Variants in FAM13C observed in about 807,000 individuals in gnomAD.
The protein encoded by FAM13C is family with sequence similarity 13 member C, also known as protein FAM13C.
In FAM13C, 37 loss-of-function variants were observed where a neutral mutation model predicts 73.2. The observed-to-expected ratio is 0.51, with a 90% confidence interval of 0.39 to 0.67. The LOEUF (loss-of-function observed/expected upper bound fraction) is 0.67, where lower values mean the gene tolerates loss of function less well. Ranked by LOEUF, FAM13C falls within the 30% of genes least tolerant of loss-of-function variation. The pLI is 0.00. For missense variants in FAM13C, 589 were observed against 715.6 expected (o/e 0.82, Z 2.02); for synonymous variants, 246 against 260.9 (o/e 0.94, Z 0.55).
intron 5 of FAM13C, chr10:59,297,052 A>C (rs557101918): frequency 6.6e-6 from 1 of 152,302 alleles, no homozygotes; most frequent in East Asian, 1.9e-4. Flanking sequence ...ACTCTAACCC[A>C]TTTATGCCTA....
chr10:59,342,962 G>A (rs1355321277), intron 3 of FAM13C, among the ~76,000 whole-genome samples: 1 of 152,234 alleles, frequency 6.6e-6, no homozygotes, highest in Admixed American at 6.5e-5. Flanking sequence ...ATATGTATGT[G>A]TGTGCAGAAA....
chr10:59,276,131 G>A (rs749076897), intron 6 of FAM13C, among the ~76,000 whole-genome samples: 17 of 152,028 alleles, frequency 1.1e-4, no homozygotes, highest in Non-Finnish European at 1.8e-4. Context: ...AATTTAATAG[G>A]TAGTATTTAT....
chr10:59,292,265 C>T (rs188770451), intron 5 of FAM13C, among the ~76,000 whole-genome samples: 1 of 152,240 alleles, frequency 6.6e-6, no homozygotes, highest in African/African-American at 2.4e-5. Context: ...AAGCCCCTAA[C>T]CAGTCATTTT....
chr10:59,353,121 T>C (rs1855286263), intron 2 of FAM13C, among the ~76,000 whole-genome samples: 1 of 152,202 alleles, frequency 6.6e-6, no homozygotes, highest in Non-Finnish European at 1.5e-5. Context: ...AATGTCCAAG[T>C]TCTGGTTCTG....
intron 3 of FAM13C, among the ~76,000 whole-genome samples, chr10:59,340,032 C>T (rs866939167): frequency 6.6e-6 from 1 of 152,074 alleles, no homozygotes; most frequent in African/African-American, 2.4e-5. Context: ...TAAGAGAAAG[C>T]CAAAATAAAC....
intron 3 of FAM13C, among the ~76,000 whole-genome samples, chr10:59,341,084 C>G (rs965145415): frequency 6.6e-6 from 1 of 152,086 alleles, no homozygotes; most frequent in Non-Finnish European, 1.5e-5. Flanking sequence ...CACTGATTTT[C>G]TCCTGGTGAT....
intron 6 of FAM13C, among the ~76,000 whole-genome samples, chr10:59,275,752 T>C (rs940665682): frequency 6.6e-6 from 1 of 152,192 alleles, no homozygotes; most frequent in African/African-American, 2.4e-5. Context: ...CAGGCAAGTC[T>C]CTTCAAATTC....
At chr10:59,269,084 T>C (rs1417648083) in intron 7 of FAM13C, among the ~76,000 whole-genome samples, 1 of 152,084 alleles carries the variant, frequency 6.6e-6, no homozygotes, top group African/African-American at 2.4e-5. Context: ...TAACAGGACT[T>C]TTTTTTAATA....
intron 6 of FAM13C, 36 bp downstream of exon 6, chr10:59,283,327 G>C (rs1374680193): frequency 1.2e-6 from 2 of 1,604,506 alleles, no homozygotes; most frequent in African/African-American, 1.3e-5. Context: ...TACCTTGAGA[G>C]TACAATTTGG....
At chr10:59,353,050 G>A (rs1474128896) in intron 2 of FAM13C, among the ~76,000 whole-genome samples, 1 of 152,154 alleles carries the variant, frequency 6.6e-6, no homozygotes, top group Non-Finnish European at 1.5e-5. Context: ...GATAGGCATG[G>A]GCCAAATTTT....
chr10:59,297,052 A>G (rs557101918), intron 5 of FAM13C: 1 of 152,184 alleles, frequency 6.6e-6, no homozygotes, highest in East Asian at 1.9e-4. Flanking sequence ...ACTCTAACCC[A>G]TTTATGCCTA....
At chr10:59,265,335 G>GGGGCGGA (rs78422182) in intron 8 of FAM13C, among the ~76,000 whole-genome samples, 17 of 16,058 alleles carry the variant, frequency 1.1e-3, no homozygotes, top group African/African-American at 4.3e-3. Flanking sequence ...GGGGGGGGGG[G>GGGGCGGA]AATCCTGGTT....
rs574626246 is a variant in FAM13C at position 59,302,670 on chromosome 10, G to A, written c.507+131C>T. 77 of 754,030 alleles carry A rather than the reference G, an allele frequency of 1.0e-4. No homozygotes were observed. The East Asian group carries it at 1.9e-3, about 19-fold the overall frequency. 46.7% of individuals were successfully genotyped at this position (754,030 alleles called of 1,614,324 possible). On this transcript the variant is annotated intron_variant, in intron 5 of 13. Coordinates refer to ENST00000618804, the MANE Select transcript of FAM13C (RefSeq NM_198215.4). ...TTACCAATTGAACAAAGAACTATAA[G>A]TATTACAAGTTCACTTAAAAGCAAA...
chr10:59,269,770 T>C, intron 7 of FAM13C, 129 bp downstream of exon 7: 1 of 1,092,604 alleles, frequency 9.2e-7, no homozygotes, highest in Admixed American at 2.2e-5. Context: ...TTGTCATTTA[T>C]TGTTCCAGTC....
intron 10 of FAM13C, among the ~76,000 whole-genome samples, chr10:59,258,153 T>C (rs1842126705): frequency 6.6e-6 from 1 of 152,184 alleles, no homozygotes; most frequent in African/African-American, 2.4e-5. Flanking sequence ...CATAATTGTA[T>C]AGACTGCTCC....
intron 10 of FAM13C, among the ~76,000 whole-genome samples, chr10:59,259,403 C>T (rs904770107): frequency 5.3e-5 from 8 of 152,082 alleles, no homozygotes; most frequent in African/African-American, 1.7e-4. Context: ...TTTAAAGAAA[C>T]GGGACCTAAT....
intron 3 of FAM13C, among the ~76,000 whole-genome samples, chr10:59,329,264 T>C (rs1851603348): frequency 6.6e-6 from 1 of 151,222 alleles, no homozygotes; most frequent in Non-Finnish European, 1.5e-5. Flanking sequence ...AACGCAGGCA[T>C]AGGCTCAAAA....
intron 6 of FAM13C, among the ~76,000 whole-genome samples, chr10:59,276,402 A>C (rs1304325465): frequency 6.6e-6 from 1 of 152,158 alleles, no homozygotes; most frequent in Non-Finnish European, 1.5e-5. Flanking sequence ...ATGACAGCTG[A>C]CATTTATGGA....
chr10:59,329,600 C>T (rs1009340220), intron 3 of FAM13C, among the ~76,000 whole-genome samples: 2 of 151,968 alleles, frequency 1.3e-5, no homozygotes, highest in African/African-American at 2.4e-5. Context: ...CTCAGGTGAT[C>T]CACCTGCCTT....
Sources: allele counts gnomAD v4.1 joint callset (sites outside exome capture counted in the v4.1 genomes callset), GRCh38; gene constraint gnomAD v4.1.1; transcripts MANE v1.5; gene names NCBI Gene and HGNC (gene_info 2026-07-23, HGNC 2026-07-21).